The following AGPAT3 variants were observed in gnomAD, a reference collection of about 807,000 sequenced individuals.
AGPAT3 encodes 1-acylglycerol-3-phosphate O-acyltransferase 3.
In AGPAT3, 5 loss-of-function variants were observed where a neutral mutation model predicts 47.3. The observed-to-expected ratio is 0.11, with a 90% confidence interval of 0.06 to 0.22. The LOEUF is 0.22. Among genes scored for constraint, AGPAT3 ranks in the 10% least tolerant of loss-of-function variants. The probability of loss-of-function intolerance (pLI) is 1.00; values close to 1 mark genes in which losing one functional copy is unlikely to be tolerated. For synonymous variants in AGPAT3, 212 were observed against 208.3 expected, an observed-to-expected ratio of 1.02 and a Z score of -0.15; for missense variants, 315 against 493.0, an observed-to-expected ratio of 0.64 and a Z score of 3.42.
intron 3 of AGPAT3, among the ~76,000 whole-genome samples, chr21:43,961,284 G>T (rs945882745): frequency 2.7e-4 from 41 of 152,350 alleles, no homozygotes; most frequent in Non-Finnish European, 4.0e-4. Flanking sequence ...TTGCATGAGC[G>T]CATAGACACT....
chr21:43,879,427 C>G (rs2085806505), intron 1 of AGPAT3, among the ~76,000 whole-genome samples: 1 of 149,912 alleles, frequency 6.7e-6, no homozygotes, highest in Non-Finnish European at 1.5e-5. Context: ...CCGTATAAAG[C>G]ACAATTGATG....
chr21:43,935,421 CA>C (rs1242673285), intron 2 of AGPAT3, among the ~76,000 whole-genome samples: 1 of 152,246 alleles, frequency 6.6e-6, no homozygotes, highest in East Asian at 1.9e-4. Flanking sequence ...CCCTGGCAGG[CA>C]TGAAGCCGTT....
rs75084694 is a variant in AGPAT3, at chr21:43,949,848, G to T, written c.-48-9786G>T. ...TGCTTTTGTGTGTTCCTGTGGAGGG[G>T]TGGTCTGCTGGGCCCCTCTCCTTGG... is the stretch of plus-strand genomic sequence containing the variant. On this transcript the variant is annotated intron_variant, in intron 2 of 9. Coordinates refer to ENST00000291572, the MANE Select transcript of AGPAT3 (RefSeq NM_020132.5). Among the ~76,000 whole-genome samples the T allele has an allele frequency of 7.9e-3, 1,197 of 152,344 alleles. 14 individuals carry two copies. Among genetic ancestry groups the T allele is most frequent in the African/African-American group, 0.028 (1,156 of 41,574 alleles).
At chr21:43,929,989 C>T (rs769354953) in intron 2 of AGPAT3, among the ~76,000 whole-genome samples, 4 of 152,220 alleles carry the variant, frequency 2.6e-5, no homozygotes. Context: ...GCACCGACAG[C>T]CCAGGCGTGC....
chr21:43,946,214 C>G (rs2087880589), intron 2 of AGPAT3, among the ~76,000 whole-genome samples: 1 of 152,192 alleles, frequency 6.6e-6, no homozygotes, highest in Non-Finnish European at 1.5e-5. Context: ...TGGCTTTATT[C>G]TTGTGAGAGT....
intron 2 of AGPAT3, among the ~76,000 whole-genome samples, chr21:43,912,037 C>T (rs901978239): frequency 1.3e-5 from 2 of 152,258 alleles, no homozygotes; most frequent in African/African-American, 2.4e-5. Context: ...TGGAACTCCA[C>T]GGACTCATGG....
rs1288765954 is a variant in AGPAT3, at chr21:43,880,717, A to G, written c.-112+15372A>G. 6.6e-6 allele frequency among the ~76,000 whole-genome samples: 1 copy of G among 152,188 alleles called. No individual in the cohort carries two copies. Among genetic ancestry groups the G allele is most frequent in the Non-Finnish European group, 1.5e-5 (1 of 68,032 alleles). ...TTACCCTTGTTATTTCCACTCACAT[A>G]TATCTCCCCAAAGTGGAAACAAGGA... On this transcript the variant is annotated intron_variant, in intron 1 of 9. Transcript: ENST00000291572. The surrounding 1 kb of genome is among the most constrained non-coding windows in gnomAD (Gnocchi z 4.5).
At position 43,981,048 on chromosome 21, in the gene AGPAT3, T is replaced by C. The variant is rs1288201745; in HGVS notation, c.903T>C (p.Pro301=). The part of the protein sequence containing the change: ...KGMFPGEQFK[P]ARRPWTLLNF... Reference sequence around the variant, plus strand: ...TGTTTCCAGGGGAGCAGTTTAAGCCTGCCCGGAGGCCGTGGACCCTCCTGA... The same window carrying C: ...TGTTTCCAGGGGAGCAGTTTAAGCCCGCCCGGAGGCCGTGGACCCTCCTGA... The change falls in exon 9 of 10, where the codon CCT becomes CCC. Residue 301 remains proline, a synonymous_variant. Coordinates refer to ENST00000291572, the MANE Select transcript of AGPAT3 (RefSeq NM_020132.5). This position sits in a 1 kb window ranked among gnomAD's most constrained non-coding sequence, Gnocchi z 5.3. 2 of 1,614,128 alleles carry C rather than the reference T, an allele frequency of 1.2e-6. No homozygotes were observed. The highest frequency in any genetic ancestry group is 2.7e-5 in the African/African-American group (2 of 74,944).
intron 2 of AGPAT3, among the ~76,000 whole-genome samples, chr21:43,958,669 GTATGGTT>G (rs2088616724): frequency 1.3e-5 from 2 of 150,888 alleles, no homozygotes; most frequent in Admixed American, 1.3e-4. Flanking sequence ...TGTAGCATGT[GTATGGTT>G]TGTGGTGTGT....
chr21:43,881,126 T>C (rs2085846349), intron 1 of AGPAT3, among the ~76,000 whole-genome samples: 2 of 152,226 alleles, frequency 1.3e-5, no homozygotes, highest in South Asian at 2.1e-4. Flanking sequence ...TTTTTCTTCC[T>C]TCCAAGTTTT....
intron 2 of AGPAT3, among the ~76,000 whole-genome samples, chr21:43,929,582 G>A (rs1601333670): frequency 6.6e-6 from 1 of 152,358 alleles, no homozygotes; most frequent in South Asian, 2.1e-4. Flanking sequence ...CACCTCCCCC[G>A]GTCGCCGCTG....
intron 7 of AGPAT3, among the ~76,000 whole-genome samples, chr21:43,972,764 AATC>A (rs2089450647): frequency 1.3e-5 from 2 of 152,316 alleles, no homozygotes; most frequent in South Asian, 2.1e-4. Flanking sequence ...TTCCAGCACA[AATC>A]ATCATTTCAG....
Position 43,934,730 on chromosome 21 carries a change from A to T in AGPAT3, c.-48-24904A>T, listed in dbSNP as rs2087374236. ...GCCCATGGTGGAGGAGCCACAGCAC[A>T]AAGCAAGCCACGCCATGCCACCCAC... On this transcript the variant is annotated intron_variant, in intron 2 of 9. Coordinates refer to ENST00000291572, the MANE Select transcript of AGPAT3 (RefSeq NM_020132.5). The surrounding 1 kb of genome is among the most constrained non-coding windows in gnomAD (Gnocchi z 4.7). 6.6e-6 allele frequency among the ~76,000 whole-genome samples: 1 copy of T among 152,106 alleles called. No homozygotes were observed. The highest frequency in any genetic ancestry group is 2.4e-5 in the African/African-American group (1 of 41,412).
At chr21:43,969,481 A>G (rs2089302979) in intron 5 of AGPAT3, among the ~76,000 whole-genome samples, 1 of 152,144 alleles carries the variant, frequency 6.6e-6, no homozygotes, top group Admixed American at 6.5e-5. Context: ...TACTCGCCGC[A>G]ATCCCAGCTC....
intron 8 of AGPAT3, among the ~76,000 whole-genome samples, chr21:43,979,388 C>T (rs867801640): frequency 9.2e-5 from 14 of 151,594 alleles, no homozygotes; most frequent in African/African-American, 3.2e-4. Flanking sequence ...GGCTGAGACT[C>T]GGTCCTGGGC....
At chr21:43,878,273 A>C (rs2085777901) in intron 1 of AGPAT3, among the ~76,000 whole-genome samples, 1 of 152,162 alleles carries the variant, frequency 6.6e-6, no homozygotes, top group South Asian at 2.1e-4. Flanking sequence ...CCTGGATGTC[A>C]CTTTGCCGAG....
intron 3 of AGPAT3, among the ~76,000 whole-genome samples, chr21:43,964,434 G>C (rs1024792476): frequency 2.9e-4 from 44 of 150,332 alleles, no homozygotes; most frequent in African/African-American, 1.0e-3. Context: ...GACCTCAGGT[G>C]ATCCGCCCAC....
At chr21:43,978,572 G>A (rs2089712422) in intron 8 of AGPAT3, among the ~76,000 whole-genome samples, 1 of 152,236 alleles carries the variant, frequency 6.6e-6, no homozygotes, top group Non-Finnish European at 1.5e-5. Context: ...GCCTCCCAAA[G>A]TGCTGGGATT....
At chr21:43,891,639 A>C (rs561906457) in intron 1 of AGPAT3, among the ~76,000 whole-genome samples, 5 of 150,128 alleles carry the variant, frequency 3.3e-5, no homozygotes, top group East Asian at 3.9e-4. Flanking sequence ...TCTAAACAAA[A>C]AAAAAAAAAG....
Sources: allele counts gnomAD v4.1 joint callset (sites outside exome capture counted in the v4.1 genomes callset), GRCh38; gene constraint gnomAD v4.1.1; non-coding constraint Gnocchi (gnomAD v3.1); transcripts MANE v1.5; gene names NCBI Gene and HGNC (gene_info 2026-07-23, HGNC 2026-07-21).